Variants in PTBP2 observed in about 807,000 individuals in gnomAD.
The protein encoded by PTBP2 is polypyrimidine tract-binding protein 2.
PTBP2 carries 13 observed loss-of-function variants against 61.4 expected under a neutral mutation model. The observed-to-expected ratio is 0.21, with a 90% CI of 0.14 to 0.34. PTBP2 has a LOEUF of 0.34. Among genes scored for constraint, PTBP2 ranks in the 10% least tolerant of loss-of-function variants. PTBP2 has a pLI of 1.00. For synonymous variants in PTBP2, 215 were observed against 218.5 expected, an observed-to-expected ratio of 0.98 and a Z score of 0.14; for missense variants, 405 against 642.6, an observed-to-expected ratio of 0.63 and a Z score of 4.00.
chr1:96,749,614 T>C (rs1240461532), intron 2 of PTBP2: 1 of 455,578 alleles, frequency 2.2e-6, no homozygotes, highest in East Asian at 7.0e-5. Context: ...TTTGATTTTG[T>C]ATGTGGAGTA....
intron 2 of PTBP2, among the ~76,000 whole-genome samples, chr1:96,732,913 A>G (rs1336752396): frequency 1.3e-5 from 2 of 152,200 alleles, no homozygotes; most frequent in Non-Finnish European, 2.9e-5. Flanking sequence ...GGTTATATAG[A>G]AGACCTCAAT....
At chr1:96,816,030 G>A, downstream of PTBP2, 1 of 152,130 alleles carries the variant, frequency 6.6e-6, no homozygotes, top group African/African-American at 2.4e-5. Flanking sequence ...CATTGTGGGT[G>A]GGATTGCCTT....
chr1:96,771,782 G>C (rs1348848956), intron 5 of PTBP2, among the ~76,000 whole-genome samples: 2 of 151,966 alleles, frequency 1.3e-5, no homozygotes, highest in African/African-American at 4.8e-5. Flanking sequence ...ACAATGTGAT[G>C]TTTTAATACA....
Position 96,812,929 on chromosome 1 carries a change from G to A in PTBP2, c.1388+1G>A, listed in dbSNP as rs1274826130. 4 of 1,605,540 alleles carry A rather than the reference G, an allele frequency of 2.5e-6. No homozygotes were observed. The highest frequency in any genetic ancestry group is 2.2e-5 in the East Asian group (1 of 44,784). ...CCACCCTTCACCTATCTAATATCCC[G>A]TAAGTATATAAGCTAGAGTGTATTG... On this transcript the variant is annotated splice_donor_variant, in intron 12 of 13. Transcript: ENST00000674951. LOFTEE classifies it high-confidence loss of function.
intron 2 of PTBP2, among the ~76,000 whole-genome samples, chr1:96,727,514 C>T (rs1179419172): frequency 6.6e-6 from 1 of 152,046 alleles, no homozygotes; most frequent in Non-Finnish European, 1.5e-5. Context: ...TTGCCATCAG[C>T]ATGGTATGAA....
At chr1:96,755,726 G>C (rs1655075593) in intron 3 of PTBP2, among the ~76,000 whole-genome samples, 1 of 152,016 alleles carries the variant, frequency 6.6e-6, no homozygotes, top group African/African-American at 2.4e-5. Context: ...TAAAAGATGG[G>C]AGAAAAAAAG....
rs771999030 is a variant in PTBP2, at chr1:96,812,716, G to A, written c.1176G>A (p.Met392Ile). 3 of 1,573,756 alleles carry A rather than the reference G, an allele frequency of 1.9e-6. No individual in the cohort carries two copies. The highest frequency in any genetic ancestry group is 2.6e-6 in the Non-Finnish European group (3 of 1,144,494). The change falls in exon 12 of 14, where the codon ATG becomes ATA. Residue 392 changes from methionine (M) to isoleucine (I), a missense_variant. Met to Ile is a conservative substitution (Grantham distance 10). Coordinates refer to ENST00000674951, the MANE Select transcript of PTBP2 (RefSeq NM_021190.4). ...MADGNQSQLA[M>I]NHLNGQKMYG... is the part of the protein sequence containing the mutation. ...AGACATGCTTTCTTTTTATAGCCATGAATCATCTTAATGGACAGAAAATGT... is the reference window on the plus strand; with the variant it reads ...AGACATGCTTTCTTTTTATAGCCATAAATCATCTTAATGGACAGAAAATGT...
At chr1:96,739,625 T>G (rs1213342117) in intron 2 of PTBP2, among the ~76,000 whole-genome samples, 1 of 140,554 alleles carries the variant, frequency 7.1e-6, no homozygotes, top group South Asian at 2.4e-4. Context: ...TGTGTTTTTT[T>G]TTTTTTTTTT....
chr1:96,809,430 A>G (rs1314664406), intron 11 of PTBP2, among the ~76,000 whole-genome samples: 1 of 152,216 alleles, frequency 6.6e-6, no homozygotes, highest in Admixed American at 6.5e-5. Context: ...CAAGTAAGTT[A>G]GAATTAATAA....
At chr1:96,770,380 C>T (rs993777886) in intron 4 of PTBP2, among the ~76,000 whole-genome samples, 7 of 151,964 alleles carry the variant, frequency 4.6e-5, no homozygotes, top group African/African-American at 1.7e-4. Flanking sequence ...ACTTGGAAAT[C>T]TTACATTCTC....
chr1:96,806,584 C>T, intron 10 of PTBP2, 132 bp downstream of exon 10: 2 of 1,032,544 alleles, frequency 1.9e-6, no homozygotes, highest in Middle Eastern at 2.4e-4. Context: ...CTATTTAAAA[C>T]TCTCCATAGA....
At chr1:96,752,893 G>A (rs1654734068) in intron 3 of PTBP2, among the ~76,000 whole-genome samples, 2 of 152,096 alleles carry the variant, frequency 1.3e-5, no homozygotes. Flanking sequence ...TACACGTGAG[G>A]TAAGTATCAT....
intron 8 of PTBP2, among the ~76,000 whole-genome samples, chr1:96,804,451 T>C (rs1661316006): frequency 6.6e-6 from 1 of 152,194 alleles, no homozygotes; most frequent in Non-Finnish European, 1.5e-5. Flanking sequence ...TTTGGCCTTT[T>C]ACTGTAAATC....
chr1:96,796,328 G>A (rs1368922627), intron 8 of PTBP2, among the ~76,000 whole-genome samples: 1 of 151,284 alleles, frequency 6.6e-6, no homozygotes, highest in Non-Finnish European at 1.5e-5. Flanking sequence ...AGAGCTGGAA[G>A]CAGAACCGAA....
In PTBP2 at chr1:96,813,090, G is replaced by A; in HGVS notation, c.1450G>A (p.Ala484Thr). The change falls in exon 13 of 14, where the codon GCA becomes ACA. Residue 484 changes from alanine to threonine, a missense_variant. Around this residue, in one of 4 missense-constraint regions of PTBP2, gnomAD observed 24 missense variants for 27.7 expected, o/e 0.87. Coordinates refer to ENST00000674951, the MANE Select transcript of PTBP2 (RefSeq NM_021190.4). Reference protein sequence around the residue: ...LFANTGGTVKAFKFFQDHKMA... With the variant: ...LFANTGGTVKTFKFFQDHKMA... ...CGCTAACACTGGGGGCACTGTGAAA[G>A]CATTTAAGTTTTTTCAGTAAGCAAG... 6.2e-7 allele frequency: 1 copy of A among 1,611,428 alleles called. No individual in the cohort carries two copies. Among genetic ancestry groups the A allele is most frequent in the African/African-American group, 1.3e-5 (1 of 74,958 alleles).
At chr1:96,754,807 C>CA (rs1014912051) in intron 3 of PTBP2, among the ~76,000 whole-genome samples, 5 of 151,724 alleles carry the variant, frequency 3.3e-5, no homozygotes, top group African/African-American at 4.8e-5. Context: ...TATCCGTATG[C>CA]AAAAAAATGA....
At chr1:96,751,212 T>C in intron 2 of PTBP2, 1 of 627,424 alleles carries the variant, frequency 1.6e-6, no homozygotes, top group Non-Finnish European at 2.9e-6. Flanking sequence ...CTTTTGGGCT[T>C]AGAGTAAAGA....
At chr1:96,798,963 G>T (rs2101145517) in intron 8 of PTBP2, among the ~76,000 whole-genome samples, 1 of 152,202 alleles carries the variant, frequency 6.6e-6, no homozygotes, top group Non-Finnish European at 1.5e-5. Context: ...GCAAGGTTAG[G>T]GATACCTGTG....
At chr1:96,815,771 C>T (rs1393486836), downstream of PTBP2, 1 of 152,092 alleles carries the variant, frequency 6.6e-6, no homozygotes, top group African/African-American at 2.4e-5. Context: ...TCACTGTTGT[C>T]ATCTGAAGAA....
Sources: allele counts gnomAD v4.1 joint callset (sites outside exome capture counted in the v4.1 genomes callset), GRCh38; gene constraint gnomAD v4.1.1; regional missense constraint gnomAD v4.1.1; transcripts MANE v1.5; gene names NCBI Gene and HGNC (gene_info 2026-07-23, HGNC 2026-07-21).